Variants in CFAP221 observed in about 807,000 individuals in gnomAD.
CFAP221 encodes the protein cilia and flagella associated protein 221.
Under a neutral mutation model 113.1 loss-of-function variants are expected in CFAP221, and 97 were observed. The observed-to-expected ratio is 0.86, with a 90% CI of 0.73 to 1.02. The LOEUF (loss-of-function observed/expected upper bound fraction) is 1.02. Among genes scored for constraint, CFAP221 ranks in the 50% least tolerant of loss-of-function variants. The probability of loss-of-function intolerance (pLI) is 0.00; values close to 1 mark genes in which losing one functional copy is unlikely to be tolerated. For synonymous variants in CFAP221, 331 were observed against 354.4 expected, an observed-to-expected ratio of 0.93 and a Z score of 0.74; for missense variants, 1,025 against 1,013.4, an observed-to-expected ratio of 1.01 and a Z score of -0.16.
chr2:119,587,214 C>G lies in CFAP221; in HGVS notation c.623C>G (p.Pro208Arg), dbSNP rs1297570573. 2 of 1,519,476 alleles carry G rather than the reference C, an allele frequency of 1.3e-6. No homozygotes were observed. Among genetic ancestry groups the G allele is most frequent in the Non-Finnish European group, 1.8e-6 (2 of 1,137,096 alleles). 94.1% of individuals were successfully genotyped at this position (1,519,476 alleles called of 1,614,324 possible). The change falls in exon 7 of 24, where the codon CCA (proline) becomes CGA (arginine). Residue 208 changes from proline (P) to arginine (R), a missense_variant. Pro to Arg is a moderately radical substitution (Grantham distance 103). Transcript: ENST00000413369. ...IQSHQAFAIE[P>R]TSGIIPANGK... is the part of the protein sequence containing the mutation. ...TCTCATCAAGCCTTTGCTATTGAGCCAACATCAGGTAAGGAGTGTCAAGAT... is the reference window on the plus strand; with the variant it reads ...TCTCATCAAGCCTTTGCTATTGAGCGAACATCAGGTAAGGAGTGTCAAGAT...
At chr2:119,617,563 G>T (rs905901162) in intron 14 of CFAP221, among the ~76,000 whole-genome samples, 3 of 152,240 alleles carry the variant, frequency 2.0e-5, no homozygotes, top group Non-Finnish European at 4.4e-5. Context: ...GATGGGCTTT[G>T]TTCTGAGTAA....
In CFAP221 at chr2:119,629,271, G is replaced by C. The variant is rs1686592511; in HGVS notation, c.1651-604G>C. Among the ~76,000 whole-genome samples, 2 of 152,208 alleles carry C rather than the reference G, an allele frequency of 1.3e-5. 1 individual carries two copies. Among genetic ancestry groups the C allele is most frequent in the South Asian group, 4.1e-4 (2 of 4,828 alleles). ...GTGTTTGAGGCAGACTAGCATGCAG[G>C]AAGTGTATTAGGCAGTTCTTCGGGG... On this transcript the variant is annotated intron_variant, in intron 16 of 23. Transcript: ENST00000413369.
At chr2:119,589,823 A>G (rs1400305337) in intron 7 of CFAP221, 2 of 152,238 alleles carry the variant, frequency 1.3e-5, no homozygotes, top group East Asian at 3.8e-4. Flanking sequence ...GCTGGAGAAA[A>G]TGAATAAAGG....
chr2:119,646,941 G>A lies in CFAP221; in HGVS notation c.2226-17G>A. The A allele has an allele frequency of 2.5e-6, 4 of 1,602,438 alleles. No individual in the cohort carries two copies. Among genetic ancestry groups the A allele is most frequent in the Non-Finnish European group, 3.4e-6 (4 of 1,170,616 alleles). On this transcript the variant is annotated splice_polypyrimidine_tract_variant and intron_variant, in intron 21 of 23. Transcript: ENST00000413369. ...AGTGTGACTCTATCTTTGACTGCTTGTGTGGTTTTTCCACAGCTGCGATTC... is the reference window on the plus strand; with the variant it reads ...AGTGTGACTCTATCTTTGACTGCTTATGTGGTTTTTCCACAGCTGCGATTC...
chr2:119,550,315 T>C (rs1680330344), intron 3 of CFAP221, among the ~76,000 whole-genome samples: 1 of 152,124 alleles, frequency 6.6e-6, no homozygotes, highest in African/African-American at 2.4e-5. Context: ...AACTGACAAA[T>C]AGTAAAGGTA....
intron 12 of CFAP221, among the ~76,000 whole-genome samples, chr2:119,610,969 A>G (rs548675174): frequency 6.6e-6 from 1 of 152,198 alleles, no homozygotes; most frequent in African/African-American, 2.4e-5. Flanking sequence ...TGGGAATAAG[A>G]AAAAGGGCCC....
Position 119,627,795 on chromosome 2 carries a change from C to G in CFAP221, c.1650+9C>G, listed in dbSNP as rs764245189. The G allele has an allele frequency of 6.2e-7, 1 of 1,612,866 alleles. No homozygotes were observed. The highest frequency in any genetic ancestry group is 1.1e-5 in the South Asian group (1 of 90,966). ...AGGACTCCAACGAGTTGGTAGGTGC[C>G]GTCAGGCTTGGGGGCGGGGAGTGGA... On this transcript the variant is annotated intron_variant, in intron 16 of 23. Transcript: ENST00000413369.
intron 19 of CFAP221, among the ~76,000 whole-genome samples, chr2:119,635,090 A>G (rs963597639): frequency 7.9e-5 from 12 of 152,252 alleles, no homozygotes; most frequent in African/African-American, 2.2e-4. Context: ...GAAGATATAC[A>G]GATGGCAAAT....
At chr2:119,573,343 C>A (rs1351095805) in intron 6 of CFAP221, 1 of 152,212 alleles carries the variant, frequency 6.6e-6, no homozygotes, top group African/African-American at 2.4e-5. Flanking sequence ...AAGGGAAACA[C>A]TGCTTACTCA....
chr2:119,617,096 A>G (rs1685579920), intron 14 of CFAP221, among the ~76,000 whole-genome samples: 1 of 152,254 alleles, frequency 6.6e-6, no homozygotes, highest in East Asian at 1.9e-4. Flanking sequence ...GACCTGTCTC[A>G]AAGTGTTGTT....
chr2:119,549,032 T>G, intron 2 of CFAP221, 53 bp from the exon 3 acceptor site: 7 of 1,221,234 alleles, frequency 5.7e-6, no homozygotes, highest in Non-Finnish European at 5.5e-6. Context: ...TCAACTTTAA[T>G]TTAATATTTT....
chr2:119,571,965 C>T (rs1325065555), intron 6 of CFAP221, among the ~76,000 whole-genome samples: 1 of 100,058 alleles, frequency 1.0e-5, no homozygotes, highest in Non-Finnish European at 2.2e-5. Context: ...TTGCCCCTTA[C>T]TTTGGGGCTG....
intron 19 of CFAP221, among the ~76,000 whole-genome samples, chr2:119,632,996 A>C (rs540751261): frequency 6.6e-6 from 1 of 152,220 alleles, no homozygotes; most frequent in East Asian, 1.9e-4. Flanking sequence ...GAAAGCCTAA[A>C]TAAATGGAGA....
chr2:119,629,581 T>A (rs747710166), intron 16 of CFAP221, among the ~76,000 whole-genome samples: 3 of 152,220 alleles, frequency 2.0e-5, no homozygotes, highest in Non-Finnish European at 2.9e-5. Flanking sequence ...TCCTGGCAGC[T>A]AGGGACTGAG....
In CFAP221 at chr2:119,627,745, G is replaced by A. The variant is rs200060056; in HGVS notation, c.1609G>A (p.Ala537Thr). ...SVSPKEVLPF[A>T]FPDCSPPQDS... is the part of the protein sequence containing the mutation. Reference sequence around the variant, plus strand: ...GTCGCCCAAGGAGGTGCTGCCCTTCGCTTTCCCAGACTGCAGCCCACCCCA... The same window carrying A: ...GTCGCCCAAGGAGGTGCTGCCCTTCACTTTCCCAGACTGCAGCCCACCCCA... Residue 537 changes from alanine (A) to threonine (T), a missense_variant, in exon 16 of 24, where the codon GCT becomes ACT. Coordinates refer to ENST00000413369, the MANE Select transcript of CFAP221 (RefSeq NM_001271049.2). 42 of 1,613,702 alleles carry A rather than the reference G, an allele frequency of 2.6e-5. No homozygotes were observed. The highest frequency in any genetic ancestry group is 1.6e-4 in the East Asian group (7 of 44,846).
intron 6 of CFAP221, among the ~76,000 whole-genome samples, chr2:119,572,186 G>A (rs1216816766): frequency 6.6e-6 from 1 of 152,212 alleles, no homozygotes; most frequent in African/African-American, 2.4e-5. Flanking sequence ...AACTTTGGTG[G>A]CTTGAGGTCT....
intron 12 of CFAP221, among the ~76,000 whole-genome samples, chr2:119,611,418 G>A (rs1343983062): frequency 3.3e-4 from 9 of 27,436 alleles, no homozygotes; most frequent in East Asian, 1.3e-3. Flanking sequence ...GCGAGACAAC[G>A]TCAAAAAAAA....
At chr2:119,580,692 A>C (rs1682791908) in intron 6 of CFAP221, 1 of 152,212 alleles carries the variant, frequency 6.6e-6, no homozygotes, top group Non-Finnish European at 1.5e-5. Flanking sequence ...GCTCAGAAAC[A>C]AGCTGAACAA....
intron 17 of CFAP221, 149 bp downstream of exon 17, chr2:119,630,104 G>A (rs1686662150): frequency 2.9e-6 from 2 of 692,414 alleles, no homozygotes; most frequent in Non-Finnish European, 4.7e-6. Context: ...CATATGGGAG[G>A]TACAGCAGAT....
Sources: allele counts gnomAD v4.1 joint callset (sites outside exome capture counted in the v4.1 genomes callset), GRCh38; gene constraint gnomAD v4.1.1; transcripts MANE v1.5; gene names NCBI Gene and HGNC (gene_info 2026-07-23, HGNC 2026-07-21).